RAD54L2: variants seen among roughly 807,000 people sequenced by gnomAD.
RAD54L2 encodes RAD54 like 2, also known as helicase ARIP4.
Under a neutral mutation model 138.4 loss-of-function variants are expected in RAD54L2, and 27 were observed. The observed-to-expected ratio is 0.20, with a 90% CI of 0.14 to 0.27. RAD54L2 has a LOEUF of 0.27. RAD54L2 is among the 10% of genes least tolerant of loss of function. The pLI is 1.00. For synonymous variants in RAD54L2, 644 were observed against 723.2 expected, an observed-to-expected ratio of 0.89 and a Z score of 1.76; for missense variants, 1,396 against 1,890.2, an observed-to-expected ratio of 0.74 and a Z score of 4.85.
chr3:51,625,278 C>T (rs1245845964), intron 3 of RAD54L2, among the ~76,000 whole-genome samples: 1 of 151,830 alleles, frequency 6.6e-6, no homozygotes, highest in Non-Finnish European at 1.5e-5. Context: ...ATTAGCTGGG[C>T]GTGGTGGCAC....
Position 51,663,544 on chromosome 3 carries a change from A to C in RAD54L2, c.*124A>C. 2 of 814,906 alleles carry C rather than the reference A, an allele frequency of 2.5e-6. No individual in the cohort carries two copies. Among genetic ancestry groups the C allele is most frequent in the Non-Finnish European group, 3.2e-6 (2 of 620,852 alleles). 50.5% of individuals were successfully genotyped at this position (814,906 alleles called of 1,614,324 possible). On this transcript the variant is annotated 3_prime_UTR_variant, in exon 23 of 23. Coordinates refer to ENST00000684192, the MANE Select transcript of RAD54L2 (RefSeq NM_015106.4). ...GGAGGGAAAAGGAAGAGGACAAAGG[A>C]GGGTGGTTGGCCAAAGTGGCAGAGC...
chr3:51,650,855 C>A (rs1314110472), intron 19 of RAD54L2, among the ~76,000 whole-genome samples: 1 of 151,944 alleles, frequency 6.6e-6, no homozygotes, highest in Non-Finnish European at 1.5e-5. Context: ...AAATCAACAC[C>A]CTAACATCCC....
At chr3:51,562,816 A>G (rs1699128827) in intron 2 of RAD54L2, among the ~76,000 whole-genome samples, 1 of 151,652 alleles carries the variant, frequency 6.6e-6, no homozygotes. Context: ...CCAGCTTGAT[A>G]TTTTGTAGAG....
rs1245660474 is a variant in RAD54L2 at position 51,668,478 on chromosome 3, T to G, written c.*5058T>G. On this transcript the variant is annotated 3_prime_UTR_variant, in exon 23 of 23. Transcript: ENST00000684192. ...CTGGTGTGATCATGGGCTTCCCTCC[T>G]CTCAGCAGGGCAGGCGCTCCTGCCC... is the stretch of plus-strand genomic sequence containing the variant. The G allele has an allele frequency of 6.6e-6, 1 of 152,080 alleles. No individual in the cohort carries two copies. Among genetic ancestry groups the G allele is most frequent in the Admixed American group, 6.5e-5 (1 of 15,278 alleles). 9.4% of individuals were successfully genotyped at this position (152,080 alleles called of 1,614,324 possible). A position where few individuals can be genotyped will look rare whatever the true frequency, so the allele number is the denominator to read the frequency against.
chr3:51,577,747 T>C (rs1699511361), intron 2 of RAD54L2, among the ~76,000 whole-genome samples: 1 of 152,016 alleles, frequency 6.6e-6, no homozygotes, highest in African/African-American at 2.4e-5. Flanking sequence ...GTCTCTGCTT[T>C]GGCTCACACT....
At position 51,596,666 on chromosome 3, in the gene RAD54L2, A is replaced by G. The variant is rs77960365; in HGVS notation, c.139+6107A>G. Among the ~76,000 whole-genome samples the G allele has an allele frequency of 5.5e-3, 843 of 152,122 alleles. 5 individuals carry two copies. Among genetic ancestry groups the G allele is most frequent in the African/African-American group, 0.019 (787 of 41,524 alleles). Reference sequence around the variant, plus strand: ...TTTCTTTTAGGCTACCCTTTTTCGTATGTGAATATTTGCAAGGAAAAACCG... The same window carrying G: ...TTTCTTTTAGGCTACCCTTTTTCGTGTGTGAATATTTGCAAGGAAAAACCG... On this transcript the variant is annotated intron_variant, in intron 3 of 22. Coordinates refer to ENST00000684192, the MANE Select transcript of RAD54L2 (RefSeq NM_015106.4).
At chr3:51,572,281 C>T (rs1285050882) in intron 2 of RAD54L2, among the ~76,000 whole-genome samples, 4 of 151,882 alleles carry the variant, frequency 2.6e-5, no homozygotes, top group South Asian at 4.2e-4. Flanking sequence ...AAAGCGCCCC[C>T]GTTTCTACTA....
intron 2 of RAD54L2, among the ~76,000 whole-genome samples, chr3:51,561,540 C>T (rs1054548909): frequency 9.9e-5 from 15 of 151,714 alleles, no homozygotes; most frequent in Non-Finnish European, 1.6e-4. Flanking sequence ...CCACCACGCC[C>T]GGCCGAAATT....
At chr3:51,559,760 G>A (rs908463401) in intron 2 of RAD54L2, among the ~76,000 whole-genome samples, 5 of 152,326 alleles carry the variant, frequency 3.3e-5, no homozygotes, top group Non-Finnish European at 7.3e-5. Context: ...TATGGTGGAA[G>A]ATGTTATACC....
At position 51,663,699 on chromosome 3, in the gene RAD54L2, C is replaced by T. The variant is rs1379350159; in HGVS notation, c.*279C>T. On this transcript the variant is annotated 3_prime_UTR_variant, in exon 23 of 23. Coordinates refer to ENST00000684192, the MANE Select transcript of RAD54L2 (RefSeq NM_015106.4). Reference sequence around the variant, plus strand: ...CAGTGCAGCCTCTTTTCCTTCCTGCCTTGCTTATGCTGTCTGCTTGCTTGC... The same window carrying T: ...CAGTGCAGCCTCTTTTCCTTCCTGCTTTGCTTATGCTGTCTGCTTGCTTGC... The T allele has an allele frequency of 2.5e-5, 10 of 407,132 alleles. No individual in the cohort carries two copies. Among genetic ancestry groups the T allele is most frequent in the Middle Eastern group, 6.4e-4 (1 of 1,558 alleles). 25.2% of individuals were successfully genotyped at this position (407,132 alleles called of 1,614,324 possible).
At chr3:51,657,045 A>C (rs1178854122) in intron 20 of RAD54L2, among the ~76,000 whole-genome samples, 1 of 152,176 alleles carries the variant, frequency 6.6e-6, no homozygotes, top group Non-Finnish European at 1.5e-5. Flanking sequence ...CCAATATATA[A>C]ATTTTAATGA....
chr3:51,593,160 G>T (rs1699875309), intron 3 of RAD54L2, among the ~76,000 whole-genome samples: 1 of 151,968 alleles, frequency 6.6e-6, no homozygotes, highest in South Asian at 2.1e-4. Context: ...TGTTGGGGGT[G>T]GGGTGGGGAT....
At chr3:51,588,769 A>G (rs1349371520) in intron 2 of RAD54L2, among the ~76,000 whole-genome samples, 1 of 152,154 alleles carries the variant, frequency 6.6e-6, no homozygotes, top group Non-Finnish European at 1.5e-5. Flanking sequence ...GACACATGAT[A>G]GACATAGTAT....
chr3:51,630,484 T>G (rs1700809254), intron 6 of RAD54L2, 96 bp downstream of exon 6: 1 of 1,225,356 alleles, frequency 8.2e-7, no homozygotes, highest in African/African-American at 1.5e-5. Context: ...CTCCTTCAAT[T>G]TGGGATGTGG....
chr3:51,542,373 G>A (rs917787861), intron 2 of RAD54L2, among the ~76,000 whole-genome samples: 1 of 152,060 alleles, frequency 6.6e-6, no homozygotes, highest in Non-Finnish European at 1.5e-5. Flanking sequence ...CAGGATTCAA[G>A]TTTCCTTGTC....
chr3:51,660,186 T>G (rs1222337916), intron 22 of RAD54L2, 68 bp downstream of exon 22: 1 of 1,297,118 alleles, frequency 7.7e-7, no homozygotes, highest in Non-Finnish European at 1.1e-6. Flanking sequence ...TGGTTAGGTA[T>G]TAACTTATTA....
intron 3 of RAD54L2, among the ~76,000 whole-genome samples, chr3:51,591,060 T>C (rs1699829446): frequency 6.6e-6 from 1 of 152,236 alleles, no homozygotes; most frequent in African/African-American, 2.4e-5. Context: ...TCTCCTGCAG[T>C]GCTGCGCTAC....
intron 2 of RAD54L2, among the ~76,000 whole-genome samples, chr3:51,549,984 C>T (rs1458820345): frequency 2.6e-5 from 4 of 152,102 alleles, no homozygotes; most frequent in African/African-American, 7.2e-5. Context: ...TATTAGAACC[C>T]TTTGCTTCCC....
At chr3:51,570,364 G>A (rs1699312322) in intron 2 of RAD54L2, among the ~76,000 whole-genome samples, 1 of 150,358 alleles carries the variant, frequency 6.7e-6, no homozygotes, top group Non-Finnish European at 1.5e-5. Context: ...GGCTGGTCTT[G>A]AACTCCTGAC....
Sources: gnomAD v4.1 joint callset for allele counts (sites outside exome capture counted in the v4.1 genomes callset) on GRCh38, gnomAD v4.1.1 for gene constraint, MANE v1.5 for transcripts, NCBI Gene and HGNC (gene_info 2026-07-23, HGNC 2026-07-21) for gene names.